Variants in BICD1 observed in about 807,000 individuals in gnomAD.
BICD1 encodes protein bicaudal D homolog 1.
A neutral mutation model predicts 92.5 loss-of-function variants in BICD1; 35 were observed. The observed-to-expected ratio is 0.38, with a 90% CI of 0.29 to 0.50. The LOEUF (loss-of-function observed/expected upper bound fraction) is 0.50, where lower values mean the gene tolerates loss of function less well. Among genes scored for constraint, BICD1 ranks in the 20% least tolerant of loss-of-function variants. The pLI, the probability that BICD1 is intolerant of heterozygous loss-of-function variation, is 0.93. For synonymous variants in BICD1, 429 were observed against 465.1 expected (o/e 0.92, Z 1.00); for missense variants, 950 against 1,189.8 (o/e 0.80, Z 2.97).
At chr12:32,232,713 T>C (rs1441329088) in intron 2 of BICD1, among the ~76,000 whole-genome samples, 2 of 152,210 alleles carry the variant, frequency 1.3e-5, no homozygotes, top group East Asian at 1.9e-4. Context: ...AGGGTTTTTA[T>C]GGTTTTAGGT....
chr12:32,230,435 TAAATAAATAAGCAAGC>T (rs1945845844), intron 2 of BICD1, among the ~76,000 whole-genome samples: 1 of 123,454 alleles, frequency 8.1e-6, no homozygotes, highest in Non-Finnish European at 1.7e-5. Context: ...AATAAATAAA[TAAATAAATAAGCAAGC>T]AAATAAATAA....
chr12:32,109,458 G>A (rs1007951609), intron 1 of BICD1: 7 of 151,982 alleles, frequency 4.6e-5, no homozygotes, highest in African/African-American at 1.4e-4. Context: ...TGAAAAAAAC[G>A]TTTTGTAGGA....
At chr12:32,248,416 TTTG>T (rs1449602532) in intron 2 of BICD1, among the ~76,000 whole-genome samples, 1 of 152,104 alleles carries the variant, frequency 6.6e-6, no homozygotes, top group Non-Finnish European at 1.5e-5. Flanking sequence ...TTCATTTTGT[TTTG>T]TTGTTGGTTT....
chr12:32,283,958 G>A (rs1211190097), intron 2 of BICD1, among the ~76,000 whole-genome samples: 2 of 152,236 alleles, frequency 1.3e-5, no homozygotes, highest in African/African-American at 4.8e-5. Flanking sequence ...AGCCAATAAT[G>A]TCACTGGGCT....
At chr12:32,324,362 AAC>A (rs541658931) in intron 4 of BICD1, among the ~76,000 whole-genome samples, 9,891 of 144,242 alleles carry the variant, frequency 0.069, 628 homozygotes, top group South Asian at 0.085. Context: ...TCAAAAAAAA[AAC>A]AAAAAAAAAA....
chr12:32,112,924 A>G (rs1000689647), intron 1 of BICD1, among the ~76,000 whole-genome samples: 17 of 152,364 alleles, frequency 1.1e-4, no homozygotes, highest in Admixed American at 2.6e-4. Flanking sequence ...CCTCTAATTC[A>G]TGCAGCAATC....
At chr12:32,325,727 C>T (rs1056339757) in intron 4 of BICD1, among the ~76,000 whole-genome samples, 3 of 151,906 alleles carry the variant, frequency 2.0e-5, no homozygotes. Flanking sequence ...TTACTTGCCA[C>T]CTAGGGATTT....
chr12:32,200,776 G>A (rs1944884336), intron 1 of BICD1, among the ~76,000 whole-genome samples: 1 of 151,934 alleles, frequency 6.6e-6, no homozygotes, highest in Non-Finnish European at 1.5e-5. Context: ...TCAGACTGAG[G>A]CAGTTTTCTA....
chr12:32,236,088 C>T (rs931094416), intron 2 of BICD1, among the ~76,000 whole-genome samples: 3 of 151,832 alleles, frequency 2.0e-5, no homozygotes, highest in African/African-American at 7.3e-5. Context: ...ATGGCCTGAA[C>T]TGCATCCATA....
intron 1 of BICD1, among the ~76,000 whole-genome samples, chr12:32,137,120 G>A (rs976683682): frequency 2.0e-5 from 3 of 152,012 alleles, no homozygotes; most frequent in Non-Finnish European, 2.9e-5. Flanking sequence ...ACAGTGTCTC[G>A]CTCTGTTGCC....
rs554057232 is a variant in BICD1, at chr12:32,370,140, C to T, written c.2840+2395C>T. Among the ~76,000 whole-genome samples the T allele has an allele frequency of 5.3e-5, 8 of 152,068 alleles. No homozygotes were observed. In the East Asian group the frequency reaches 7.8e-4, roughly 15 times the overall value. On this transcript the variant is annotated intron_variant, in intron 9 of 9. Coordinates refer to ENST00000652176, the MANE Select transcript of BICD1 (RefSeq NM_001714.4). ...TCCCAGCACTTTGGGAGGCCAAGGCCGGTGGATCACAAGGTCAAGAGATCG... is the reference window on the plus strand; with the variant it reads ...TCCCAGCACTTTGGGAGGCCAAGGCTGGTGGATCACAAGGTCAAGAGATCG...
At position 32,306,133 on chromosome 12, in the gene BICD1, T is replaced by C; in HGVS notation, c.1005+11T>C. ...CAGCAGCTTATGCAGGTAAGAACTT[T>C]GTTTAGGGCCGCTAGAGTGAATTTC... is the stretch of plus-strand genomic sequence containing the variant. On this transcript the variant is annotated intron_variant, in intron 4 of 9. Transcript: ENST00000652176. 6.4e-7 allele frequency: 1 copy of C among 1,562,222 alleles called. No homozygotes were observed. Among genetic ancestry groups the C allele is most frequent in the Non-Finnish European group, 8.6e-7 (1 of 1,158,392 alleles).
intron 2 of BICD1, among the ~76,000 whole-genome samples, chr12:32,242,841 C>G (rs1392499243): frequency 6.6e-6 from 1 of 152,076 alleles, no homozygotes; most frequent in Non-Finnish European, 1.5e-5. Flanking sequence ...TCTTATTTGC[C>G]AGGGTTTAAC....
At chr12:32,213,085 C>T (rs183558560) in intron 1 of BICD1, among the ~76,000 whole-genome samples, 3 of 152,308 alleles carry the variant, frequency 2.0e-5, no homozygotes, top group Admixed American at 2.0e-4. Context: ...AATAGCATCA[C>T]TAACTAACCT....
At chr12:32,209,008 T>C (rs1178093955) in intron 1 of BICD1, among the ~76,000 whole-genome samples, 2 of 152,048 alleles carry the variant, frequency 1.3e-5, no homozygotes, top group Non-Finnish European at 2.9e-5. Flanking sequence ...CTAATTTTTG[T>C]ATTTTTAATA....
At chr12:32,127,995 C>T (rs1474414562) in intron 1 of BICD1, among the ~76,000 whole-genome samples, 1 of 151,852 alleles carries the variant, frequency 6.6e-6, no homozygotes, top group Non-Finnish European at 1.5e-5. Flanking sequence ...CCTCTGCCTC[C>T]GAGGCTCCAG....
At chr12:32,155,877 G>A (rs1216018108) in intron 1 of BICD1, among the ~76,000 whole-genome samples, 1 of 152,206 alleles carries the variant, frequency 6.6e-6, no homozygotes, top group African/African-American at 2.4e-5. Flanking sequence ...TAAATTAGCT[G>A]TCAGGCAAGA....
intron 1 of BICD1, among the ~76,000 whole-genome samples, chr12:32,158,267 G>A (rs1469124198): frequency 6.6e-6 from 1 of 151,814 alleles, no homozygotes; most frequent in East Asian, 1.9e-4. Context: ...CCCCATGCCC[G>A]GCTGATTTTT....
intron 1 of BICD1, among the ~76,000 whole-genome samples, chr12:32,111,781 G>A (rs1040467628): frequency 6.6e-5 from 10 of 151,336 alleles, no homozygotes; most frequent in Non-Finnish European, 8.8e-5. Context: ...CTAATTTTTC[G>A]TATTTTTAGT....
Sources: allele counts gnomAD v4.1 joint callset (sites outside exome capture counted in the v4.1 genomes callset), GRCh38; gene constraint gnomAD v4.1.1; transcripts MANE v1.5; gene names NCBI Gene and HGNC (gene_info 2026-07-23, HGNC 2026-07-21).